Variants in CSN2 observed in about 807,000 individuals in gnomAD.
CSN2 encodes casein beta.
CSN2 carries 27 observed loss-of-function variants against 27.3 expected under a neutral mutation model. That is an observed-to-expected ratio of 0.99 (90% CI 0.73 to 1.36). CSN2 has a LOEUF of 1.36. Among genes scored for constraint, CSN2 ranks in the 40% most tolerant of loss-of-function variants. CSN2 has a pLI of 0.00. For missense variants in CSN2, 333 were observed against 264.5 expected (o/e 1.26, Z -1.80); for synonymous variants, 131 against 94.8 (o/e 1.38, Z -2.22).
chr4:69,961,542 C>T (rs1210069336), intron 1 of CSN2, among the ~76,000 whole-genome samples: 1 of 152,096 alleles, frequency 6.6e-6, no homozygotes, highest in Non-Finnish European at 1.5e-5. Flanking sequence ...ACACTTCATG[C>T]TAAAAACTCT....
chr4:69,956,249 A>G, intron 7 of CSN2, 65 bp downstream of exon 7: 2 of 1,136,108 alleles, frequency 1.8e-6, no homozygotes, highest in Non-Finnish European at 2.3e-6. Context: ...CTCTAGGAGA[A>G]TTAAATGTAA....
chr4:69,960,718 T>C (rs1723546888), intron 2 of CSN2, among the ~76,000 whole-genome samples: 1 of 152,120 alleles, frequency 6.6e-6, no homozygotes, highest in Non-Finnish European at 1.5e-5. Context: ...ATTTGTTTGC[T>C]TTTTCTTTAG....
At chr4:69,961,744 A>T (rs1344291862) in intron 1 of CSN2, among the ~76,000 whole-genome samples, 1 of 152,182 alleles carries the variant, frequency 6.6e-6, no homozygotes, top group Admixed American at 6.5e-5. Context: ...GCAATTAGGC[A>T]GGAGAAGGAA....
rs1167548322 is a variant in CSN2, at chr4:69,961,007, C to A, written c.-12G>T. The A allele has an allele frequency of 2.5e-6, 4 of 1,610,286 alleles. No homozygotes were observed. In the Admixed American group the frequency reaches 6.7e-5, roughly 27 times the overall value. ...ATGAGGACCTTCATGGCTACTAAGT[C>A]CTGTGAATGTAGAAAAAATGGAATG... On this transcript the variant is annotated splice_region_variant and 5_prime_UTR_variant, in exon 2 of 8. Coordinates refer to ENST00000353151, the MANE Select transcript of CSN2 (RefSeq NM_001891.4).
At chr4:69,962,769 A>T (rs2109748244) in intron 1 of CSN2, among the ~76,000 whole-genome samples, 1 of 152,358 alleles carries the variant, frequency 6.6e-6, no homozygotes, top group Non-Finnish European at 1.5e-5. Flanking sequence ...TCTGCACAGC[A>T]AAAGAAACTA....
At chr4:69,959,873 A>G (rs1723514928) in intron 3 of CSN2, among the ~76,000 whole-genome samples, 180 bp downstream of exon 3, 1 of 152,092 alleles carries the variant, frequency 6.6e-6, no homozygotes, top group Admixed American at 6.6e-5. Flanking sequence ...GCCAATTTAC[A>G]AAGTTCTAGA....
At chr4:69,962,085 G>T (rs1723612415) in intron 1 of CSN2, among the ~76,000 whole-genome samples, 1 of 152,048 alleles carries the variant, frequency 6.6e-6, no homozygotes, top group Non-Finnish European at 1.5e-5. Context: ...AATAAAAGAG[G>T]ATACAAACAA....
intron 1 of CSN2, among the ~76,000 whole-genome samples, chr4:69,962,750 T>G (rs1202514303): frequency 6.6e-6 from 1 of 152,054 alleles, no homozygotes; most frequent in Non-Finnish European, 1.5e-5. Context: ...CTAATTAAAC[T>G]AAAGAACTTC....
Position 69,956,329 on chromosome 4 carries a change from A to T in CSN2, c.*21T>A, listed in dbSNP as rs1199693894. ...CAAAACTTACCAAAAATAAGGAGGGAAAATTAACTTTGAAATCTTCTTAGA... is the reference window on the plus strand; with the variant it reads ...CAAAACTTACCAAAAATAAGGAGGGTAAATTAACTTTGAAATCTTCTTAGA... On this transcript the variant is annotated 3_prime_UTR_variant, in exon 7 of 8. Coordinates refer to ENST00000353151, the MANE Select transcript of CSN2 (RefSeq NM_001891.4). The T allele has an allele frequency of 2.1e-6, 3 of 1,407,548 alleles. No homozygotes were observed. Among genetic ancestry groups the T allele is most frequent in the Non-Finnish European group, 2.8e-6 (3 of 1,063,566 alleles). 87.2% of individuals were successfully genotyped at this position (1,407,548 alleles called of 1,614,324 possible). A position where few individuals can be genotyped will look rare whatever the true frequency, so the allele number is the denominator to read the frequency against.
At chr4:69,956,210 A>G (rs1453314127) in intron 7 of CSN2, 104 bp downstream of exon 7, 1 of 705,328 alleles carries the variant, frequency 1.4e-6, no homozygotes, top group Non-Finnish European at 2.0e-6. Context: ...AAGTTCTTGT[A>G]TGTATGAAAT....
At chr4:69,960,119 G>T (rs1329035555) in intron 2 of CSN2, 40 bp from the exon 3 acceptor site, 1 of 1,576,664 alleles carries the variant, frequency 6.3e-7, no homozygotes, top group Admixed American at 1.7e-5. Flanking sequence ...AAATCTTCTA[G>T]ATCATTAGAG....
At chr4:69,965,062 A>G (rs1578147408) in intron 1 of CSN2, among the ~76,000 whole-genome samples, 1 of 151,482 alleles carries the variant, frequency 6.6e-6, no homozygotes, top group East Asian at 1.9e-4. Flanking sequence ...TTTTTACTTA[A>G]TTCTGTATTT....
Position 69,957,646 on chromosome 4 carries a change from G to A in CSN2, c.303C>T (p.Val101=). The A allele has an allele frequency of 1.2e-6, 2 of 1,613,902 alleles. No homozygotes were observed. Among genetic ancestry groups the A allele is most frequent in the Non-Finnish European group, 1.7e-6 (2 of 1,179,962 alleles). The change falls in exon 6 of 8, where the codon GTC becomes GTT. Residue 101 remains valine (V), a synonymous_variant. Coordinates refer to ENST00000353151, the MANE Select transcript of CSN2 (RefSeq NM_001891.4). ...LPVPQPEIME[V]PKAKDTVYTK... ...TGTAGACAGTGTCTTTAGCTTTAGG[G>A]ACTTCCATTATTTCAGGCTGAGGGA...
intron 3 of CSN2, among the ~76,000 whole-genome samples, chr4:69,959,630 T>C (rs975899208): frequency 6.6e-6 from 1 of 152,104 alleles, no homozygotes; most frequent in Non-Finnish European, 1.5e-5. Context: ...AATTATAAAA[T>C]GTGTCCTTTT....
chr4:69,961,417 G>A (rs941560661), intron 1 of CSN2, among the ~76,000 whole-genome samples: 4 of 152,128 alleles, frequency 2.6e-5, no homozygotes, highest in African/African-American at 9.7e-5. Context: ...GGGATGCAAG[G>A]CTGGTTCAAC....
chr4:69,960,125 T>C (rs369648043), intron 2 of CSN2, 46 bp from the exon 3 acceptor site: 92 of 1,552,058 alleles, frequency 5.9e-5, no homozygotes, highest in Non-Finnish European at 8.1e-5. Flanking sequence ...TCTAGATCAT[T>C]AGAGAATTTT....
chr4:69,962,724 A>T (rs1224499478), intron 1 of CSN2, among the ~76,000 whole-genome samples: 1 of 152,292 alleles, frequency 6.6e-6, no homozygotes, highest in Admixed American at 6.5e-5. Context: ...CAAAAGCCAA[A>T]ATTGACAAAT....
intron 1 of CSN2, among the ~76,000 whole-genome samples, 191 bp downstream of exon 1, chr4:69,965,490 A>G (rs972136726): frequency 1.2e-4 from 10 of 85,780 alleles, no homozygotes; most frequent in Non-Finnish European, 6.9e-5. Context: ...TGAAGGCTAT[A>G]TGTCATTACC....
At chr4:69,963,659 C>A (rs1332932278) in intron 1 of CSN2, among the ~76,000 whole-genome samples, 1 of 152,032 alleles carries the variant, frequency 6.6e-6, no homozygotes, top group Non-Finnish European at 1.5e-5. Flanking sequence ...ATGGGTGCAG[C>A]ACACCAACAT....
Sources: gnomAD v4.1 joint callset for allele counts (sites outside exome capture counted in the v4.1 genomes callset) on GRCh38, gnomAD v4.1.1 for gene constraint, MANE v1.5 for transcripts, NCBI Gene and HGNC (gene_info 2026-07-23, HGNC 2026-07-21) for gene names.